The following PARN variants were observed in gnomAD, a reference collection of about 807,000 sequenced individuals.
PARN encodes poly(A)-specific ribonuclease PARN.
Under a neutral mutation model 102.8 loss-of-function variants are expected in PARN, and 71 were observed. That is an observed-to-expected ratio of 0.69 (90% CI 0.57 to 0.84). The LOEUF (loss-of-function observed/expected upper bound fraction) is 0.84, where lower values mean the gene tolerates loss of function less well. PARN is among the 40% of genes least tolerant of loss of function. The pLI is 0.00. For synonymous variants in PARN, 261 were observed against 252.9 expected (o/e 1.03, Z -0.30); for missense variants, 782 against 760.9 (o/e 1.03, Z -0.33).
intron 21 of PARN, among the ~76,000 whole-genome samples, chr16:14,514,022 T>G (rs975990207): frequency 3.9e-5 from 6 of 152,262 alleles, no homozygotes; most frequent in Non-Finnish European, 7.4e-5. Flanking sequence ...AAGGGATTGT[T>G]GTAGGCACAG....
chr16:14,513,612 C>T (rs1243889551), intron 21 of PARN, among the ~76,000 whole-genome samples: 2 of 152,166 alleles, frequency 1.3e-5, no homozygotes, highest in Non-Finnish European at 2.9e-5. Context: ...CTGCTCCCTC[C>T]CCTGCCCGCA....
At chr16:14,443,786 T>G (rs1381378569) in intron 23 of PARN, among the ~76,000 whole-genome samples, 1 of 152,256 alleles carries the variant, frequency 6.6e-6, no homozygotes, top group Non-Finnish European at 1.5e-5. Flanking sequence ...TGCCCTTTTA[T>G]GTCTTTCATG....
intron 13 of PARN, chr16:14,591,984 G>A (rs1238258454): frequency 6.6e-6 from 1 of 152,012 alleles, no homozygotes. Context: ...GTTGCAGGGA[G>A]CCGAGATCAT....
intron 22 of PARN, among the ~76,000 whole-genome samples, chr16:14,475,472 C>T (rs777125779): frequency 6.6e-6 from 1 of 152,174 alleles, no homozygotes; most frequent in Non-Finnish European, 1.5e-5. Context: ...ATGTTCAGTC[C>T]AGTTTCTCCA....
chr16:14,466,515 T>G (rs1962366116), intron 22 of PARN, among the ~76,000 whole-genome samples: 1 of 152,242 alleles, frequency 6.6e-6, no homozygotes, highest in African/African-American at 2.4e-5. Flanking sequence ...TTTGTAAATT[T>G]GTAACGTGAC....
chr16:14,555,772 T>G, intron 18 of PARN, 63 bp from the exon 19 acceptor site: 1 of 826,176 alleles, frequency 1.2e-6, no homozygotes, highest in Non-Finnish European at 1.8e-6. Flanking sequence ...CATTTTGCAT[T>G]TTTAAGGTTG....
At chr16:14,514,584 TCTGAGGAA>T in intron 21 of PARN, among the ~76,000 whole-genome samples, 1 of 152,220 alleles carries the variant, frequency 6.6e-6, no homozygotes, top group Non-Finnish European at 1.5e-5. Context: ...TCACTAAATA[TCTGAGGAA>T]AGATATTTCC....
At chr16:14,525,681 T>A (rs999459837) in intron 21 of PARN, among the ~76,000 whole-genome samples, 18 of 152,098 alleles carry the variant, frequency 1.2e-4, no homozygotes, top group African/African-American at 4.3e-4. Flanking sequence ...ATCCAGAGAT[T>A]CAGTTCACTC....
chr16:14,513,028 G>A (rs941008247), intron 21 of PARN, among the ~76,000 whole-genome samples: 2 of 152,064 alleles, frequency 1.3e-5, no homozygotes, highest in Admixed American at 6.6e-5. Context: ...GGATTCAAGC[G>A]ATTCTCGTAC....
intron 18 of PARN, among the ~76,000 whole-genome samples, chr16:14,580,035 G>T (rs1223711902): frequency 1.3e-5 from 2 of 151,458 alleles, no homozygotes; most frequent in African/African-American, 4.9e-5. Context: ...GGGTTCCATG[G>T]TCTACAGCAA....
At chr16:14,602,897 A>C (rs768827396) in intron 11 of PARN, among the ~76,000 whole-genome samples, 1 of 151,692 alleles carries the variant, frequency 6.6e-6, no homozygotes, top group Non-Finnish European at 1.5e-5. Context: ...CACATCACAA[A>C]ACACATGCTG....
chr16:14,550,776 A>T (rs1327476007), intron 21 of PARN, among the ~76,000 whole-genome samples: 1 of 152,238 alleles, frequency 6.6e-6, no homozygotes, highest in East Asian at 1.9e-4. Flanking sequence ...CATCTTTTAC[A>T]TTATCAAAGC....
intron 21 of PARN, among the ~76,000 whole-genome samples, chr16:14,502,808 CA>C (rs1192367942): frequency 6.6e-6 from 1 of 152,152 alleles, no homozygotes; most frequent in Non-Finnish European, 1.5e-5. Context: ...CAGGAGAGAA[CA>C]GCTAATACAG....
At chr16:14,589,468 G>A (rs1055325152) in intron 13 of PARN, among the ~76,000 whole-genome samples, 1 of 151,870 alleles carries the variant, frequency 6.6e-6, no homozygotes, top group African/African-American at 2.4e-5. Flanking sequence ...GAGAGGCTGA[G>A]GTAGGAGTAT....
intron 21 of PARN, among the ~76,000 whole-genome samples, chr16:14,492,067 G>C (rs972372873): frequency 2.0e-5 from 3 of 152,190 alleles, no homozygotes; most frequent in African/African-American, 7.2e-5. Context: ...CACACCCTTG[G>C]GAGCCAGAGC....
chr16:14,541,853 G>T lies in PARN; in HGVS notation c.1480+10168C>A, dbSNP rs144145216. 6.9e-4 allele frequency among the ~76,000 whole-genome samples: 105 copies of T among 152,178 alleles called. 2 individuals carry two copies. The South Asian group carries it at 0.015, about 21-fold the overall frequency. On this transcript the variant is annotated intron_variant, in intron 21 of 23. Transcript: ENST00000437198. ...AACTAAATCCAGAGTCTCCACAAGA[G>T]AACATTCACAATGTCCAGGAAACCA...
At chr16:14,453,431 T>C (rs1036032926) in intron 22 of PARN, among the ~76,000 whole-genome samples, 3 of 152,232 alleles carry the variant, frequency 2.0e-5, no homozygotes, top group African/African-American at 7.2e-5. Context: ...TACATGAACA[T>C]ATTCCCCATT....
chr16:14,532,174 ATTTTTTTT>A (rs35785901), intron 21 of PARN, among the ~76,000 whole-genome samples: 2 of 138,284 alleles, frequency 1.4e-5, no homozygotes, highest in Non-Finnish European at 1.6e-5. Context: ...TCAAACTCTG[ATTTTTTTT>A]TTTTTTTTTT....
At chr16:14,579,721 T>C (rs988943254) in intron 18 of PARN, among the ~76,000 whole-genome samples, 1 of 152,166 alleles carries the variant, frequency 6.6e-6, no homozygotes, top group Non-Finnish European at 1.5e-5. Flanking sequence ...ACACCTGTAA[T>C]CCCAGCACTT....
Sources: allele counts gnomAD v4.1 joint callset (sites outside exome capture counted in the v4.1 genomes callset), GRCh38; gene constraint gnomAD v4.1.1; transcripts MANE v1.5; gene names NCBI Gene and HGNC (gene_info 2026-07-23, HGNC 2026-07-21).